The following KCNH8 variants were observed in gnomAD, a reference collection of about 807,000 sequenced individuals.
KCNH8 encodes potassium voltage-gated channel subfamily H member 8, also known as voltage-gated delayed rectifier potassium channel KCNH8.
KCNH8 carries 70 observed loss-of-function variants against 103.6 expected under a neutral mutation model. The ratio of observed to expected loss-of-function variants is 0.68; its 90% CI spans 0.56 to 0.82. The LOEUF (loss-of-function observed/expected upper bound fraction) is 0.82, where lower values mean the gene tolerates loss of function less well. Among genes scored for constraint, KCNH8 ranks in the 40% least tolerant of loss-of-function variants. KCNH8 has a pLI of 0.00. For synonymous variants in KCNH8, 498 were observed against 489.4 expected, an observed-to-expected ratio of 1.02 and a Z score of -0.23; for missense variants, 1,217 against 1,329.9, an observed-to-expected ratio of 0.92 and a Z score of 1.32.
chr3:19,482,657 C>A (rs570587986), intron 11 of KCNH8, among the ~76,000 whole-genome samples: 1 of 152,250 alleles, frequency 6.6e-6, no homozygotes, highest in East Asian at 1.9e-4. Context: ...TTAAACATGG[C>A]CTTAGGATTA....
chr3:19,439,814 GCA>G lies in KCNH8; in HGVS notation c.1375+1456_1375+1457del, dbSNP rs536244205. On this transcript the variant is annotated intron_variant, in intron 8 of 15. Coordinates refer to ENST00000328405, the MANE Select transcript of KCNH8 (RefSeq NM_144633.3). Reference sequence around the variant, plus strand: ...AAAGAAAAAAGCAAAGCCATCTTATGCACAAAGATAAAATTGAAGAGAAAAAA... The same window carrying G: ...AAAGAAAAAAGCAAAGCCATCTTATGCAAAGATAAAATTGAAGAGAAAAAA... 2.3e-3 allele frequency among the ~76,000 whole-genome samples: 346 copies of G among 152,044 alleles called. 4 individuals are homozygous for G. In the Middle Eastern group the frequency reaches 0.034, roughly 15 times the overall value.
chr3:19,327,081 T>G (rs2065434166), intron 3 of KCNH8, among the ~76,000 whole-genome samples: 1 of 152,142 alleles, frequency 6.6e-6, no homozygotes, highest in Non-Finnish European at 1.5e-5. Flanking sequence ...GCTTTGAGAC[T>G]TTACATAATG....
chr3:19,465,302 T>C (rs1424943560), intron 11 of KCNH8, among the ~76,000 whole-genome samples: 1 of 152,194 alleles, frequency 6.6e-6, no homozygotes, highest in Non-Finnish European at 1.5e-5. Context: ...CTAAATCTTT[T>C]CTGCCTGTAC....
At chr3:19,509,191 C>A (rs926706230) in intron 11 of KCNH8, among the ~76,000 whole-genome samples, 2 of 152,118 alleles carry the variant, frequency 1.3e-5, no homozygotes, top group Non-Finnish European at 2.9e-5. Flanking sequence ...GATGTAGAAT[C>A]GGTTGACTGC....
chr3:19,256,730 A>C (rs2064351909), intron 2 of KCNH8, among the ~76,000 whole-genome samples: 1 of 152,050 alleles, frequency 6.6e-6, no homozygotes, highest in South Asian at 2.1e-4. Flanking sequence ...GGGAGCAAGA[A>C]TTTCTTGAGC....
intron 11 of KCNH8, among the ~76,000 whole-genome samples, chr3:19,498,988 C>G (rs1429194638): frequency 2.0e-5 from 3 of 152,102 alleles, no homozygotes; most frequent in Non-Finnish European, 4.4e-5. Flanking sequence ...CTTCAAACCT[C>G]AGATGGCTAT....
At chr3:19,494,437 CA>C (rs1290761497) in intron 11 of KCNH8, among the ~76,000 whole-genome samples, 2 of 152,152 alleles carry the variant, frequency 1.3e-5, no homozygotes, top group Non-Finnish European at 2.9e-5. Context: ...TGCTGTCATC[CA>C]TATAAGATGT....
intron 7 of KCNH8, among the ~76,000 whole-genome samples, chr3:19,406,330 C>T (rs1047172836): frequency 1.3e-5 from 2 of 152,082 alleles, no homozygotes; most frequent in African/African-American, 4.8e-5. Flanking sequence ...TAGCCATGAA[C>T]TTTCAATTTT....
intron 1 of KCNH8, among the ~76,000 whole-genome samples, chr3:19,226,623 G>GCACACACACACACACA (rs146546353): frequency 0.018 from 2,563 of 145,696 alleles, 72 homozygotes; most frequent in African/African-American, 0.059. Flanking sequence ...ACACATGCAT[G>GCACACACACACACACA]CACACACACA....
chr3:19,502,046 C>G (rs1443528171), intron 11 of KCNH8, among the ~76,000 whole-genome samples: 179 of 150,750 alleles, frequency 1.2e-3, no homozygotes, highest in Middle Eastern at 0.01. Context: ...CCAAAATCTC[C>G]TTAAGCTGAT....
chr3:19,281,752 TAAG>T (rs1274453888), intron 3 of KCNH8, among the ~76,000 whole-genome samples: 3 of 152,098 alleles, frequency 2.0e-5, no homozygotes, highest in Non-Finnish European at 4.4e-5. Flanking sequence ...TGTACAAAGT[TAAG>T]AACTCTAGCT....
At chr3:19,258,640 A>G (rs2064377082) in intron 2 of KCNH8, among the ~76,000 whole-genome samples, 1 of 151,886 alleles carries the variant, frequency 6.6e-6, no homozygotes, top group Non-Finnish European at 1.5e-5. Context: ...ATAAAACCAT[A>G]GTGTAAGTGA....
intron 3 of KCNH8, among the ~76,000 whole-genome samples, chr3:19,311,686 G>A (rs1468002373): frequency 1.3e-5 from 2 of 151,724 alleles, no homozygotes; most frequent in African/African-American, 4.8e-5. Context: ...ATTTGATACA[G>A]ACCAGGCCAA....
intron 11 of KCNH8, among the ~76,000 whole-genome samples, chr3:19,480,711 G>A (rs147616526): frequency 1.2e-4 from 19 of 152,258 alleles, no homozygotes; most frequent in Admixed American, 5.9e-4. Flanking sequence ...ATAGTAGAAT[G>A]TTGAGGCCTT....
At chr3:19,197,210 T>A (rs2063610970) in intron 1 of KCNH8, among the ~76,000 whole-genome samples, 1 of 152,042 alleles carries the variant, frequency 6.6e-6, no homozygotes, top group African/African-American at 2.4e-5. Flanking sequence ...AACTGTTGAC[T>A]CCAGAATTTA....
At chr3:19,484,042 A>C (rs1349700945) in intron 11 of KCNH8, among the ~76,000 whole-genome samples, 1 of 152,058 alleles carries the variant, frequency 6.6e-6, no homozygotes, top group East Asian at 1.9e-4. Flanking sequence ...TTCCTTTCTA[A>C]CTTATTGCTA....
At chr3:19,443,733 C>G (rs1372551) in intron 8 of KCNH8, among the ~76,000 whole-genome samples, 6,799 of 151,554 alleles carry the variant, frequency 0.045, 334 homozygotes, top group East Asian at 0.22. Flanking sequence ...GACACAAGAT[C>G]AATATGCAAA....
chr3:19,253,022 A>G (rs530653060), intron 1 of KCNH8, among the ~76,000 whole-genome samples: 3 of 152,268 alleles, frequency 2.0e-5, no homozygotes, highest in Non-Finnish European at 4.4e-5. Context: ...TGTGGACATT[A>G]GTGGATAAAT....
intron 1 of KCNH8, among the ~76,000 whole-genome samples, chr3:19,224,824 T>A (rs547625644): frequency 6.6e-6 from 1 of 152,288 alleles, no homozygotes; most frequent in Non-Finnish European, 1.5e-5. Flanking sequence ...GACTAGGTGT[T>A]AATGAGTACT....
Sources: allele counts gnomAD v4.1 joint callset (sites outside exome capture counted in the v4.1 genomes callset), GRCh38; gene constraint gnomAD v4.1.1; transcripts MANE v1.5; gene names NCBI Gene and HGNC (gene_info 2026-07-23, HGNC 2026-07-21).